MRPS21: variants seen among roughly 807,000 people sequenced by gnomAD.
MRPS21 encodes mitochondrial ribosomal protein S21, also known as small ribosomal subunit protein bS21m.
In MRPS21, 8 loss-of-function variants were observed where a neutral mutation model predicts 9.9. The ratio of observed to expected loss-of-function variants is 0.81; its 90% CI spans 0.47 to 1.45. The LOEUF is 1.45. MRPS21 is among the 40% of genes most tolerant of loss of function. The pLI, the probability that MRPS21 is intolerant of heterozygous loss-of-function variation, is 0.00. For missense variants in MRPS21, 101 were observed against 118.9 expected, an observed-to-expected ratio of 0.85 and a Z score of 0.70; for synonymous variants, 40 against 40.3, an observed-to-expected ratio of 0.99 and a Z score of 0.03.
At chr1:150,299,133 T>C (rs1211163439) in intron 2 of MRPS21, among the ~76,000 whole-genome samples, 1 of 152,158 alleles carries the variant, frequency 6.6e-6, no homozygotes, top group Non-Finnish European at 1.5e-5. Context: ...GAAGAGCCGC[T>C]TGAACCTGGG....
chr1:150,296,878 G>T (rs587618665), intron 2 of MRPS21, among the ~76,000 whole-genome samples: 1 of 152,144 alleles, frequency 6.6e-6, no homozygotes, highest in Non-Finnish European at 1.5e-5. Flanking sequence ...CATCTGATTG[G>T]GTTTAAATAT....
At chr1:150,295,545 C>G (rs782429690) in intron 2 of MRPS21, among the ~76,000 whole-genome samples, 1 of 151,946 alleles carries the variant, frequency 6.6e-6, no homozygotes, top group South Asian at 2.1e-4. Flanking sequence ...GAAGCGGGAA[C>G]GTAGTATGAT....
chr1:150,299,130 C>T (rs1432302403), intron 2 of MRPS21, among the ~76,000 whole-genome samples: 1 of 152,146 alleles, frequency 6.6e-6, no homozygotes, highest in African/African-American at 2.4e-5. Flanking sequence ...GCAGAAGAGC[C>T]GCTTGAACCT....
intron 2 of MRPS21, among the ~76,000 whole-genome samples, chr1:150,307,656 A>G (rs1453996577): frequency 1.3e-5 from 2 of 151,972 alleles, no homozygotes; most frequent in African/African-American, 4.8e-5. Context: ...AGCACACTGC[A>G]GCCTCAGTCT....
At chr1:150,301,330 C>A in intron 2 of MRPS21, 1 of 240,268 alleles carries the variant, frequency 4.2e-6, no homozygotes, top group Non-Finnish European at 7.9e-6. Flanking sequence ...AGCGAGACTT[C>A]GTCTCAAAAG....
At chr1:150,294,929 T>TA (rs1653859813) in intron 2 of MRPS21, among the ~76,000 whole-genome samples, 1 of 148,908 alleles carries the variant, frequency 6.7e-6, no homozygotes, top group Non-Finnish European at 1.5e-5. Flanking sequence ...TCCTCAAACC[T>TA]AACTGTATGA....
chr1:150,305,039 CAAAA>C (rs1242070149), intron 2 of MRPS21: 24 of 394,822 alleles, frequency 6.1e-5, no homozygotes, highest in Non-Finnish European at 9.5e-5. Context: ...AACTCCGTCT[CAAAA>C]GAAAGAAAGA....
At position 150,299,440 on chromosome 1, in the gene MRPS21, T is replaced by C. The variant is rs58179655; in HGVS notation, c.83+4991T>C. Reference sequence around the variant, plus strand: ...TTTTTGCTTTTCCTGTTTTTTTTTCTGTTTTTTGTTTGTTTGTTTGTTTGT... The same window carrying C: ...TTTTTGCTTTTCCTGTTTTTTTTTCCGTTTTTTGTTTGTTTGTTTGTTTGT... On this transcript the variant is annotated intron_variant, in intron 2 of 2. Coordinates refer to ENST00000614145, the MANE Select transcript of MRPS21 (RefSeq NM_031901.6). Among the ~76,000 whole-genome samples, 1,459 of 148,280 alleles carry C rather than the reference T, an allele frequency of 9.8e-3. 19 individuals are homozygous for C. The highest frequency in any genetic ancestry group is 0.034 in the African/African-American group (1,358 of 39,974).
In MRPS21 at chr1:150,294,332, T is replaced by C. The variant is rs782415005; in HGVS notation, c.-32-3T>C. 1.3e-6 allele frequency: 2 copies of C among 1,567,316 alleles called. No individual in the cohort carries two copies. The highest frequency in any genetic ancestry group is 4.5e-5 in the East Asian group (2 of 44,594). On this transcript the variant is annotated splice_region_variant and splice_polypyrimidine_tract_variant and intron_variant, in intron 1 of 2. Transcript: ENST00000614145. ...TCCTCGCCCTTTCTCCATCATCCTT[T>C]AGGCTCTACAGAGTGAAGGTTTAAA...
intron 2 of MRPS21, among the ~76,000 whole-genome samples, chr1:150,306,123 A>C (rs1360390626): frequency 6.6e-6 from 1 of 152,218 alleles, no homozygotes; most frequent in Admixed American, 6.5e-5. Context: ...CCAGAGTGAC[A>C]TGATCTGATT....
chr1:150,305,100 G>A, intron 2 of MRPS21: 1 of 269,210 alleles, frequency 3.7e-6, no homozygotes. Flanking sequence ...CACAATCATG[G>A]CTCACTGCAG....
chr1:150,308,105 G>C lies in MRPS21; in HGVS notation c.141G>C (p.Lys47Asn). The C allele has an allele frequency of 1.2e-6, 2 of 1,606,030 alleles. No homozygotes were observed. The highest frequency in any genetic ancestry group is 2.2e-5 in the South Asian group (2 of 90,908). Reference protein sequence around the residue: ...EDIKHRRYYEKPCCRRQRESY... With the variant: ...EDIKHRRYYENPCCRRQRESY... ...TTAAGCATCGGCGGTATTATGAGAA[G>C]CCATGCTGCCGGCGACAGAGGGAAA... The change falls in exon 3 of 3, where the codon AAG becomes AAC. Residue 47 changes from lysine to asparagine, a missense_variant. Physicochemically the swap from Lys to Asn is moderately conservative, Grantham distance 94. Transcript: ENST00000614145.
intron 2 of MRPS21, among the ~76,000 whole-genome samples, chr1:150,299,244 C>G (rs1464000956): frequency 1.3e-5 from 2 of 152,106 alleles, no homozygotes; most frequent in South Asian, 2.1e-4. Context: ...TTTCTAATCT[C>G]CTTCCTGATC....
intron 2 of MRPS21, among the ~76,000 whole-genome samples, chr1:150,307,049 A>AG (rs1654359200): frequency 3.5e-4 from 2 of 5,778 alleles, no homozygotes; most frequent in Admixed American, 2.3e-3. Flanking sequence ...TTATTTCCCC[A>AG]ATTTTTTTTT....
intron 2 of MRPS21, among the ~76,000 whole-genome samples, chr1:150,307,678 A>T (rs1193980141): frequency 6.6e-6 from 1 of 152,146 alleles, no homozygotes; most frequent in African/African-American, 2.4e-5. Flanking sequence ...CCCTGGGCTC[A>T]AGTGATGCTC....
chr1:150,294,549 G>A, intron 2 of MRPS21, 100 bp downstream of exon 2: 1 of 1,003,566 alleles, frequency 1.0e-6, no homozygotes, highest in Non-Finnish European at 1.5e-6. Context: ...AACAGTGCCA[G>A]CCCAGGTGTT....
At position 150,307,348 on chromosome 1, in the gene MRPS21, C is replaced by CATTTTTTT. The variant is rs1654376892; in HGVS notation, c.84-700_84-699insATTTTTTT. Among the ~76,000 whole-genome samples the CATTTTTTT allele has an allele frequency of 1.4e-4, 12 of 87,550 alleles. 1 individual carries two copies. The highest frequency in any genetic ancestry group is 2.7e-4 in the African/African-American group (6 of 22,526). 57.4% of individuals were successfully genotyped at this position (87,550 alleles called of 152,430 possible). On this transcript the variant is annotated intron_variant, in intron 2 of 2. Transcript: ENST00000614145. ...CAGGCATGAGTCACTGTGCCCAGTC[C>CATTTTTTT]TTTTTTTTTTTTTTTTTTTTTTCCT...
At chr1:150,306,120 G>A (rs1435856286) in intron 2 of MRPS21, among the ~76,000 whole-genome samples, 1 of 152,208 alleles carries the variant, frequency 6.6e-6, no homozygotes, top group Non-Finnish European at 1.5e-5. Flanking sequence ...GCACCAGAGT[G>A]ACATGATCTG....
chr1:150,303,879 AT>A, intron 2 of MRPS21: 1 of 456,030 alleles, frequency 2.2e-6, no homozygotes, highest in South Asian at 1.5e-5. Flanking sequence ...TAGAGGACTC[AT>A]TTTTGGCATA....
Sources: gnomAD v4.1 joint callset for allele counts (sites outside exome capture counted in the v4.1 genomes callset) on GRCh38, gnomAD v4.1.1 for gene constraint, MANE v1.5 for transcripts, NCBI Gene and HGNC (gene_info 2026-07-23, HGNC 2026-07-21) for gene names.